The following DNAJC1 variants were observed in gnomAD, a reference collection of about 807,000 sequenced individuals.
The protein encoded by DNAJC1 is dnaJ homolog subfamily C member 1.
In DNAJC1, 58 loss-of-function variants were observed where a neutral mutation model predicts 76.6. The observed-to-expected ratio is 0.76, with a 90% CI of 0.61 to 0.94. The LOEUF is 0.94. Ranked by LOEUF, DNAJC1 falls within the 40% of genes least tolerant of loss-of-function variation. DNAJC1 has a pLI of 0.00. For missense variants in DNAJC1, 689 were observed against 677.3 expected (o/e 1.02, Z -0.19); for synonymous variants, 258 against 267.9 (o/e 0.96, Z 0.36).
chr10:21,827,896 A>G (rs948542630), intron 8 of DNAJC1, among the ~76,000 whole-genome samples: 3 of 152,178 alleles, frequency 2.0e-5, no homozygotes, highest in Non-Finnish European at 2.9e-5. Flanking sequence ...AGCATGCTGC[A>G]ATGAACATCT....
intron 1 of DNAJC1, among the ~76,000 whole-genome samples, chr10:21,994,861 T>C (rs1310323311): frequency 2.0e-5 from 3 of 150,638 alleles, no homozygotes; most frequent in African/African-American, 4.9e-5. Context: ...TAAAGAAATA[T>C]TGTATGATAT....
At chr10:21,834,284 GA>G (rs1342169669) in intron 8 of DNAJC1, among the ~76,000 whole-genome samples, 7 of 152,072 alleles carry the variant, frequency 4.6e-5, no homozygotes, top group African/African-American at 1.4e-4. Context: ...AAGAAAGAAA[GA>G]AAGAGGGGCT....
intron 1 of DNAJC1, among the ~76,000 whole-genome samples, chr10:21,945,158 G>C (rs1837484220): frequency 6.6e-6 from 1 of 152,182 alleles, no homozygotes. Context: ...GCTTAAATGA[G>C]CTTTGAAGAA....
intron 6 of DNAJC1, among the ~76,000 whole-genome samples, chr10:21,908,090 TAA>T (rs1161500085): frequency 3.6e-5 from 4 of 110,514 alleles, no homozygotes; most frequent in South Asian, 2.3e-4. Context: ...ATATTATATA[TAA>T]AATATATATA....
chr10:21,867,513 C>T (rs1836021202), intron 8 of DNAJC1, among the ~76,000 whole-genome samples: 1 of 152,182 alleles, frequency 6.6e-6, no homozygotes, highest in South Asian at 2.1e-4. Context: ...AGGAATAATA[C>T]AAGGTGATCG....
At chr10:21,836,939 C>A (rs1835470393) in intron 8 of DNAJC1, among the ~76,000 whole-genome samples, 2 of 152,174 alleles carry the variant, frequency 1.3e-5, no homozygotes, top group Admixed American at 1.3e-4. Context: ...CCTCTCTCTC[C>A]ACGGTCTCCC....
chr10:21,855,203 T>A (rs960758569), intron 8 of DNAJC1, among the ~76,000 whole-genome samples: 1 of 152,170 alleles, frequency 6.6e-6, no homozygotes, highest in Non-Finnish European at 1.5e-5. Context: ...AAACAGTGAA[T>A]AAACAGCCCA....
intron 11 of DNAJC1, among the ~76,000 whole-genome samples, chr10:21,758,659 A>G (rs147833630): frequency 3.3e-4 from 51 of 152,362 alleles, no homozygotes; most frequent in African/African-American, 1.2e-3. Flanking sequence ...GCTGAGTCCA[A>G]AGTTATTCAC....
At chr10:21,884,520 T>C (rs1836336340) in intron 7 of DNAJC1, among the ~76,000 whole-genome samples, 1 of 152,144 alleles carries the variant, frequency 6.6e-6, no homozygotes, top group Admixed American at 6.6e-5. Flanking sequence ...AAAATTAACA[T>C]ATACAGCCTT....
chr10:21,769,952 C>T (rs1009608401), intron 9 of DNAJC1, among the ~76,000 whole-genome samples: 1 of 152,192 alleles, frequency 6.6e-6, no homozygotes, highest in Non-Finnish European at 1.5e-5. Flanking sequence ...TCCCAAAGTG[C>T]TGGGATTACA....
At chr10:21,802,761 A>G (rs939223309) in intron 9 of DNAJC1, among the ~76,000 whole-genome samples, 1 of 152,146 alleles carries the variant, frequency 6.6e-6, no homozygotes, top group Non-Finnish European at 1.5e-5. Flanking sequence ...AAAGAATAGT[A>G]TTACTTCACA....
intron 8 of DNAJC1, among the ~76,000 whole-genome samples, chr10:21,831,644 G>T (rs1311016702): frequency 6.6e-6 from 1 of 152,012 alleles, no homozygotes; most frequent in Non-Finnish European, 1.5e-5. Flanking sequence ...CAAAATATTA[G>T]CCAGGCATGG....
chr10:21,891,956 C>A (rs1836469520), intron 7 of DNAJC1, among the ~76,000 whole-genome samples: 4 of 152,148 alleles, frequency 2.6e-5, no homozygotes, highest in Admixed American at 2.0e-4. Flanking sequence ...TGTCTGACCA[C>A]TAAATCAAAA....
intron 1 of DNAJC1, among the ~76,000 whole-genome samples, chr10:21,938,936 G>C (rs924590873): frequency 3.9e-5 from 6 of 152,194 alleles, no homozygotes; most frequent in African/African-American, 1.4e-4. Context: ...CTGTGGCCAG[G>C]CTGGAGTGCA....
At position 21,759,380 on chromosome 10, in the gene DNAJC1, C is replaced by A; in HGVS notation, c.1386G>T (p.Lys462Asn). The A allele has an allele frequency of 1.2e-6, 2 of 1,614,236 alleles. No individual in the cohort carries two copies. The highest frequency in any genetic ancestry group is 1.7e-6 in the Non-Finnish European group (2 of 1,180,046). The change falls in exon 11 of 12, where the codon AAG becomes AAT. Residue 462 changes from lysine (K) to asparagine (N), a missense_variant. Physicochemically the swap from Lys to Asn is moderately conservative, Grantham distance 94. Transcript: ENST00000376980. Reference sequence around the variant, plus strand: ...AGTCCTTCTGCCGCTTGGCTCTGGACTTCTCCTCTGGCTCCGGCTTCGCTG... The same window carrying A: ...AGTCCTTCTGCCGCTTGGCTCTGGAATTCTCCTCTGGCTCCGGCTTCGCTG... ...EATAKPEPEE[K>N]SRAKRQKDFD...
At chr10:21,805,548 T>C (rs1267997418) in intron 9 of DNAJC1, among the ~76,000 whole-genome samples, 1 of 151,748 alleles carries the variant, frequency 6.6e-6, no homozygotes, top group Non-Finnish European at 1.5e-5. Flanking sequence ...CCAACACCAT[T>C]TGCATTATGG....
intron 9 of DNAJC1, among the ~76,000 whole-genome samples, chr10:21,803,312 G>A (rs920116762): frequency 6.6e-6 from 1 of 152,072 alleles, no homozygotes; most frequent in Non-Finnish European, 1.5e-5. Flanking sequence ...GGGAGAACTA[G>A]GCAGGTGATC....
chr10:21,842,898 G>C (rs1835596163), intron 8 of DNAJC1, among the ~76,000 whole-genome samples: 1 of 152,182 alleles, frequency 6.6e-6, no homozygotes, highest in South Asian at 2.1e-4. Flanking sequence ...AACTTCATGA[G>C]AGCAGGGGTC....
At chr10:21,880,509 G>C (rs1836256938) in intron 8 of DNAJC1, among the ~76,000 whole-genome samples, 1 of 152,126 alleles carries the variant, frequency 6.6e-6, no homozygotes. Flanking sequence ...GTTGCAGAAT[G>C]GATGTTGTGG....
Sources: allele counts gnomAD v4.1 joint callset (sites outside exome capture counted in the v4.1 genomes callset), GRCh38; gene constraint gnomAD v4.1.1; transcripts MANE v1.5; gene names NCBI Gene and HGNC (gene_info 2026-07-23, HGNC 2026-07-21).